The following TANC2 variants were observed in gnomAD, a reference collection of about 807,000 sequenced individuals.
TANC2 encodes the protein protein TANC2.
A neutral mutation model predicts 210.5 loss-of-function variants in TANC2; 26 were observed. The ratio of observed to expected loss-of-function variants is 0.12; its 90% CI spans 0.09 to 0.17. The LOEUF is 0.17. Among genes scored for constraint, TANC2 ranks in the 10% least tolerant of loss-of-function variants. The probability of loss-of-function intolerance (pLI) is 1.00; values close to 1 mark genes in which losing one functional copy is unlikely to be tolerated. For missense variants in TANC2, 2,129 were observed against 2,608.9 expected (o/e 0.82, Z 4.01); for synonymous variants, 931 against 967.1 (o/e 0.96, Z 0.69).
chr17:63,353,981 G>A (rs994458913), intron 13 of TANC2, among the ~76,000 whole-genome samples: 4 of 152,042 alleles, frequency 2.6e-5, no homozygotes, highest in African/African-American at 4.8e-5. Flanking sequence ...TATAGATAGC[G>A]AATACAGAAA....
intron 8 of TANC2, among the ~76,000 whole-genome samples, chr17:63,261,761 C>G (rs1382959227): frequency 6.6e-6 from 1 of 152,204 alleles, no homozygotes; most frequent in Non-Finnish European, 1.5e-5. Flanking sequence ...ACTCACCCTT[C>G]TATATTTATT....
rs185393939 is a variant in TANC2, at chr17:63,087,859, C to G, written c.140-11316C>G. ...GCATTCTCTATAGTCACCTGTCTCTCTCCAACTTTGGCACAGCAGTTTACA... is the reference window on the plus strand; with the variant it reads ...GCATTCTCTATAGTCACCTGTCTCTGTCCAACTTTGGCACAGCAGTTTACA... On this transcript the variant is annotated intron_variant, in intron 3 of 27. Coordinates refer to ENST00000689528, the Ensembl canonical transcript of TANC2. Among the ~76,000 whole-genome samples the G allele has an allele frequency of 7.4e-4, 112 of 152,306 alleles. No individual in the cohort carries two copies. In the Middle Eastern group the frequency reaches 0.014, roughly 19 times the overall value.
At chr17:63,218,828 A>C (rs969322675) in intron 7 of TANC2, among the ~76,000 whole-genome samples, 1 of 152,176 alleles carries the variant, frequency 6.6e-6, no homozygotes, top group African/African-American at 2.4e-5. Context: ...CAGGAGACAG[A>C]GGTTTCAGTG....
chr17:63,027,211 T>A (rs1258540640), intron 2 of TANC2, among the ~76,000 whole-genome samples: 2 of 152,142 alleles, frequency 1.3e-5, no homozygotes, highest in Non-Finnish European at 2.9e-5. Context: ...CTGGTTTAGT[T>A]TGGATGCTAT....
At chr17:63,189,402 T>C (rs1452270634) in intron 5 of TANC2, among the ~76,000 whole-genome samples, 1 of 152,248 alleles carries the variant, frequency 6.6e-6, no homozygotes, top group East Asian at 1.9e-4. Context: ...AAGGTTCCAA[T>C]AAATTTCACT....
chr17:63,183,429 A>C (rs2040861770), intron 5 of TANC2, among the ~76,000 whole-genome samples: 1 of 152,230 alleles, frequency 6.6e-6, no homozygotes, highest in African/African-American at 2.4e-5. Context: ...GTTTAATATA[A>C]ATAAAGGATG....
chr17:63,132,912 A>G (rs1387351444), intron 4 of TANC2, among the ~76,000 whole-genome samples: 1 of 152,140 alleles, frequency 6.6e-6, no homozygotes, highest in African/African-American at 2.4e-5. Context: ...ATTTATCCTT[A>G]CAGAATTGTG....
intron 3 of TANC2, among the ~76,000 whole-genome samples, chr17:63,096,052 A>G (rs2037375758): frequency 6.6e-6 from 1 of 152,164 alleles, no homozygotes; most frequent in Non-Finnish European, 1.5e-5. Flanking sequence ...GATTTTTTTC[A>G]ATAAAAGGAT....
intron 11 of TANC2, among the ~76,000 whole-genome samples, chr17:63,334,629 T>G (rs2045966999): frequency 6.6e-6 from 1 of 151,938 alleles, no homozygotes; most frequent in South Asian, 2.1e-4. Flanking sequence ...TGGGCAAAAG[T>G]TTAAGGAGAA....
intron 2 of TANC2, among the ~76,000 whole-genome samples, chr17:63,073,442 A>T (rs1012194161): frequency 6.6e-6 from 1 of 152,092 alleles, no homozygotes; most frequent in African/African-American, 2.4e-5. Flanking sequence ...AATAAACTCA[A>T]GATTTATTTG....
intron 19 of TANC2, among the ~76,000 whole-genome samples, chr17:63,399,872 C>T (rs2048289607): frequency 6.6e-6 from 1 of 152,104 alleles, no homozygotes; most frequent in South Asian, 2.1e-4. Context: ...GTGGAATGGT[C>T]CAAAACTCAG....
intron 4 of TANC2, among the ~76,000 whole-genome samples, chr17:63,126,447 G>A (rs190474417): frequency 2.0e-5 from 3 of 151,988 alleles, no homozygotes; most frequent in East Asian, 1.9e-4. Context: ...TTCTTCTGTC[G>A]CCCAGGCTGG....
chr17:63,301,306 G>T (rs1329514916), intron 9 of TANC2, among the ~76,000 whole-genome samples: 6 of 152,294 alleles, frequency 3.9e-5, no homozygotes, highest in Non-Finnish European at 7.4e-5. Flanking sequence ...ATGAGTAAAG[G>T]AGGAGTCCCT....
rs139721558 is a variant in TANC2, at chr17:63,045,310, G to C, written c.68-28633G>C. Among the ~76,000 whole-genome samples, 574 of 152,262 alleles carry C rather than the reference G, an allele frequency of 3.8e-3. 2 individuals are homozygous for C. Among genetic ancestry groups the C allele is most frequent in the Non-Finnish European group, 6.4e-3 (436 of 68,020 alleles). ...CATGTTTTAGATTGATCCTTAGCCT[G>C]TGACATTTATAACAGGTATCTTCTG... On this transcript the variant is annotated intron_variant, in intron 2 of 27. Coordinates refer to ENST00000689528, the Ensembl canonical transcript of TANC2.
intron 7 of TANC2, among the ~76,000 whole-genome samples, chr17:63,224,755 A>T (rs1191675063): frequency 6.6e-6 from 1 of 152,140 alleles, no homozygotes; most frequent in Non-Finnish European, 1.5e-5. Flanking sequence ...CCTTAGTGAA[A>T]GGAGTGTCCA....
intron 1 of TANC2, among the ~76,000 whole-genome samples, chr17:62,971,305 C>A (rs1413446250): frequency 6.6e-6 from 1 of 152,168 alleles, no homozygotes; most frequent in Admixed American, 6.5e-5. Context: ...TCCCACTCAG[C>A]AGTCTCCTGC....
chr17:63,232,777 T>C lies in TANC2; in HGVS notation c.770-5037T>C, dbSNP rs1326166103. Among the ~76,000 whole-genome samples, 3 of 152,216 alleles carry C rather than the reference T, an allele frequency of 2.0e-5. No homozygotes were observed. In the East Asian group the frequency reaches 5.8e-4, roughly 29 times the overall value. ...GTTAACAAAGCACTCTGGCTGCCCC[T>C]TGGGCAGAGGGGGTGCACTGCACTG... is the stretch of plus-strand genomic sequence containing the variant. On this transcript the variant is annotated intron_variant, in intron 7 of 27. Transcript: ENST00000689528.
chr17:63,415,185 A>G (rs118041405), intron 25 of TANC2, among the ~76,000 whole-genome samples: 3,166 of 152,314 alleles, frequency 0.021, 42 homozygotes, highest in South Asian at 0.038. Flanking sequence ...AGGAAGTCAT[A>G]TGTGTTATAG....
chr17:63,039,772 G>A (rs2035111260), intron 2 of TANC2, among the ~76,000 whole-genome samples: 1 of 152,112 alleles, frequency 6.6e-6, no homozygotes, highest in South Asian at 2.1e-4. Context: ...TGGCCAGTAA[G>A]GATGAAACTG....
Sources: gnomAD v4.1 joint callset for allele counts (sites outside exome capture counted in the v4.1 genomes callset) on GRCh38, gnomAD v4.1.1 for gene constraint, MANE v1.5 for transcripts, NCBI Gene and HGNC (gene_info 2026-07-23, HGNC 2026-07-21) for gene names.